Variants in SLC12A2 observed in about 807,000 individuals in gnomAD.
The protein encoded by SLC12A2 is Na-K-2Cl cotransporter 1.
Under a neutral mutation model 136.3 loss-of-function variants are expected in SLC12A2, and 67 were observed. The observed-to-expected ratio is 0.49, with a 90% CI of 0.40 to 0.60. SLC12A2 has a LOEUF of 0.60. Among genes scored for constraint, SLC12A2 ranks in the 20% least tolerant of loss-of-function variants. The pLI, the probability that SLC12A2 is intolerant of heterozygous loss-of-function variation, is 0.00. For missense variants in SLC12A2, 1,322 were observed against 1,534.7 expected (o/e 0.86, Z 2.32); for synonymous variants, 619 against 562.9 (o/e 1.10, Z -1.41).
At chr5:128,181,816 C>T (rs1472590590) in intron 23 of SLC12A2, among the ~76,000 whole-genome samples, 7 of 151,512 alleles carry the variant, frequency 4.6e-5, no homozygotes, top group African/African-American at 1.7e-4. Flanking sequence ...TACTCCTTTG[C>T]CTCCTCTCAT....
chr5:128,130,514 C>T (rs1206106309), intron 4 of SLC12A2, among the ~76,000 whole-genome samples: 1 of 81,480 alleles, frequency 1.2e-5, no homozygotes, highest in African/African-American at 4.9e-5. Context: ...GACTCTGTCT[C>T]AAAAAAAAAA....
rs933402824 is a variant in SLC12A2 at position 128,187,636 on chromosome 5, G to T, written c.*1005G>T. The stretch of plus-strand genomic sequence containing the variant: ...CATTAAAATAATGTTTCATCAAATG[G>T]TTAAATGGACCACTGGTTTCTTAGA... On this transcript the variant is annotated 3_prime_UTR_variant, in exon 27 of 27. Transcript: ENST00000262461. 3.9e-5 allele frequency: 6 copies of T among 152,554 alleles called. No homozygotes were observed. The South Asian group carries it at 1.2e-3, about 32-fold the overall frequency. 9.5% of individuals were successfully genotyped at this position (152,554 alleles called of 1,614,324 possible). A position where few individuals can be genotyped will look rare whatever the true frequency, so the allele number is the denominator to read the frequency against.
Position 128,126,458 on chromosome 5 carries a change from G to A in SLC12A2, c.1049-4609G>A, listed in dbSNP as rs995850792. Among the ~76,000 whole-genome samples, 6 of 152,084 alleles carry A rather than the reference G, an allele frequency of 3.9e-5. No homozygotes were observed. In the South Asian group the frequency reaches 8.3e-4, roughly 21 times the overall value. On this transcript the variant is annotated intron_variant, in intron 4 of 26. Transcript: ENST00000262461. Reference sequence around the variant, plus strand: ...GAATGTAAATTAGTATAACCGCTATGGAGGACAGTTTGGAAGTTCCTCAGA... The same window carrying A: ...GAATGTAAATTAGTATAACCGCTATAGAGGACAGTTTGGAAGTTCCTCAGA...
At chr5:128,165,666 A>G (rs1763177334) in intron 17 of SLC12A2, among the ~76,000 whole-genome samples, 2 of 152,222 alleles carry the variant, frequency 1.3e-5, no homozygotes, top group African/African-American at 4.8e-5. Context: ...GATGAGAGTG[A>G]TAGATGTGAA....
chr5:128,154,970 C>A (rs1321798002), intron 15 of SLC12A2, among the ~76,000 whole-genome samples: 1 of 151,478 alleles, frequency 6.6e-6, no homozygotes, highest in Non-Finnish European at 1.5e-5. Context: ...AAGCATTTTA[C>A]AGTTTTTTTT....
intron 13 of SLC12A2, among the ~76,000 whole-genome samples, chr5:128,150,413 G>T (rs1762663511): frequency 6.6e-6 from 1 of 151,626 alleles, no homozygotes; most frequent in African/African-American, 2.4e-5. Flanking sequence ...ACATCATTAT[G>T]ATATAGTTTA....
chr5:128,171,470 A>G (rs1763373562), intron 18 of SLC12A2, among the ~76,000 whole-genome samples, 197 bp from the exon 19 acceptor site: 1 of 152,232 alleles, frequency 6.6e-6, no homozygotes, highest in Non-Finnish European at 1.5e-5. Context: ...TTTCAAGGGT[A>G]TTACAGAAGA....
chr5:128,186,270 C>T lies in SLC12A2; in HGVS notation c.3504-226C>T, dbSNP rs114585699. Among the ~76,000 whole-genome samples the T allele has an allele frequency of 2.8e-3, 430 of 152,184 alleles. 1 individual carries two copies. Among genetic ancestry groups the T allele is most frequent in the African/African-American group, 9.7e-3 (403 of 41,526 alleles). ...TACTCCTGTGATGTTTTCACGAGGG[C>T]AAAATTGCCTGACAGTAAGTTCTGA... On this transcript the variant is annotated intron_variant, in intron 26 of 26. Transcript: ENST00000262461.
intron 1 of SLC12A2, among the ~76,000 whole-genome samples, chr5:128,090,780 C>T (rs1039001040): frequency 3.9e-5 from 6 of 152,092 alleles, no homozygotes; most frequent in African/African-American, 1.4e-4. Flanking sequence ...GATACCAAGA[C>T]CCTGAGATGG....
chr5:128,145,935 A>G (rs1320660811), intron 10 of SLC12A2, among the ~76,000 whole-genome samples: 1 of 152,026 alleles, frequency 6.6e-6, no homozygotes, highest in African/African-American at 2.4e-5. Flanking sequence ...ATCACCATTC[A>G]CTGCTGGGAG....
Position 128,180,295 on chromosome 5 carries a change from C to T in SLC12A2, c.3101-588C>T, listed in dbSNP as rs1561707668. ...CATTCTTTTGGGTTATTTTCTAATA[C>T]AAGAAGATGTTCCAGGCTCAGTTTT... On this transcript the variant is annotated intron_variant, in intron 22 of 26. Coordinates refer to ENST00000262461, the MANE Select transcript of SLC12A2 (RefSeq NM_001046.3). Among the ~76,000 whole-genome samples the T allele has an allele frequency of 2.0e-5, 3 of 152,186 alleles. No individual in the cohort carries two copies. The East Asian group carries it at 5.8e-4, about 29-fold the overall frequency.
chr5:128,094,051 C>G (rs1319848476), intron 1 of SLC12A2, among the ~76,000 whole-genome samples: 2 of 151,946 alleles, frequency 1.3e-5, no homozygotes, highest in African/African-American at 2.4e-5. Context: ...CACCTCAGTC[C>G]TTATTTCTTT....
At chr5:128,182,017 G>T (rs1445656960) in intron 23 of SLC12A2, among the ~76,000 whole-genome samples, 1 of 148,348 alleles carries the variant, frequency 6.7e-6, no homozygotes, top group Non-Finnish European at 1.5e-5. Flanking sequence ...ATTATGGCTG[G>T]TATTATATTT....
chr5:128,141,303 A>G (rs2126711646), intron 9 of SLC12A2, among the ~76,000 whole-genome samples: 1 of 152,288 alleles, frequency 6.6e-6, no homozygotes, highest in South Asian at 2.1e-4. Context: ...CTTAGATACC[A>G]TGTGTTTTCT....
chr5:128,151,178 T>G, intron 13 of SLC12A2, 63 bp from the exon 14 acceptor site: 1 of 1,421,834 alleles, frequency 7.0e-7, no homozygotes, highest in Non-Finnish European at 9.6e-7. Context: ...TTTGAATACA[T>G]ATGTACCATT....
rs544284788 is a variant in SLC12A2, at chr5:128,166,482, T to C, written c.2617-1279T>C. Among the ~76,000 whole-genome samples the C allele has an allele frequency of 3.4e-5, 5 of 145,282 alleles. No homozygotes were observed. The South Asian group carries it at 1.1e-3, about 33-fold the overall frequency. ...CAAATGTGTGTGTGTGTGTGTGTGT[T>C]TGTGTGTGTGTATGAAATGGAATAT... On this transcript the variant is annotated intron_variant, in intron 17 of 26. Transcript: ENST00000262461.
At chr5:128,160,337 A>G in intron 16 of SLC12A2, among the ~76,000 whole-genome samples, 1 of 152,118 alleles carries the variant, frequency 6.6e-6, no homozygotes, top group South Asian at 2.1e-4. Flanking sequence ...CTATATACCT[A>G]TGTAACAAAC....
intron 1 of SLC12A2, among the ~76,000 whole-genome samples, chr5:128,085,225 C>T (rs536889142): frequency 5.9e-5 from 9 of 151,970 alleles, no homozygotes; most frequent in Non-Finnish European, 1.3e-4. Flanking sequence ...TATTAAAGCT[C>T]AATTCTTGCA....
At chr5:128,140,190 G>A (rs1762318834) in intron 9 of SLC12A2, among the ~76,000 whole-genome samples, 1 of 152,008 alleles carries the variant, frequency 6.6e-6, no homozygotes, top group Non-Finnish European at 1.5e-5. Context: ...GTAGAGATGG[G>A]GTTTTGCCAT....
Sources: allele counts gnomAD v4.1 joint callset (sites outside exome capture counted in the v4.1 genomes callset), GRCh38; gene constraint gnomAD v4.1.1; transcripts MANE v1.5; gene names NCBI Gene and HGNC (gene_info 2026-07-23, HGNC 2026-07-21).